DCLK1: variants seen among roughly 807,000 people sequenced by gnomAD.
The protein encoded by DCLK1 is serine/threonine-protein kinase DCLK1.
DCLK1 carries 16 observed loss-of-function variants against 86.2 expected under a neutral mutation model. The observed-to-expected ratio is 0.19, with a 90% confidence interval of 0.13 to 0.28. DCLK1 has a LOEUF of 0.28. Among genes scored for constraint, DCLK1 ranks in the 10% least tolerant of loss-of-function variants. The pLI is 1.00. For missense variants in DCLK1, 590 were observed against 940.2 expected (o/e 0.63, Z 4.87); for synonymous variants, 369 against 370.5 (o/e 1.00, Z 0.05).
At chr13:35,956,674 G>T (rs1432963055) in intron 3 of DCLK1, among the ~76,000 whole-genome samples, 1 of 152,276 alleles carries the variant, frequency 6.6e-6, no homozygotes, top group Non-Finnish European at 1.5e-5. Flanking sequence ...GGACCAACCA[G>T]GGATAGGTAG....
chr13:35,914,327 AAAAAAATATATATATATATATACAT>A (rs1221054962), intron 4 of DCLK1, among the ~76,000 whole-genome samples: 7 of 43,894 alleles, frequency 1.6e-4, no homozygotes, highest in East Asian at 8.4e-4. Flanking sequence ...CTCAGAAAAA[AAAAAAATATATATATATATATACAT>A]ATATATATAT....
intron 3 of DCLK1, among the ~76,000 whole-genome samples, chr13:36,025,432 C>T (rs910136754): frequency 6.6e-5 from 10 of 152,152 alleles, no homozygotes; most frequent in African/African-American, 2.2e-4. Context: ...TACATGAATG[C>T]TCATGGTTAG....
intron 15 of DCLK1, 75 bp downstream of exon 15, chr13:35,805,624 A>G: frequency 6.9e-7 from 1 of 1,440,886 alleles, no homozygotes; most frequent in Middle Eastern, 1.8e-4. Flanking sequence ...AGGAGGCAAT[A>G]ACATTAGAAA....
chr13:35,932,409 C>T (rs544113742), intron 4 of DCLK1, among the ~76,000 whole-genome samples: 16 of 152,218 alleles, frequency 1.1e-4, no homozygotes, highest in Admixed American at 7.8e-4. Flanking sequence ...GTATATCTTT[C>T]GTCTATTTCT....
At chr13:35,997,113 G>A (rs1320554758) in intron 3 of DCLK1, among the ~76,000 whole-genome samples, 2 of 152,090 alleles carry the variant, frequency 1.3e-5, no homozygotes. Context: ...CTTTCTCTTG[G>A]GGCTACACCT....
chr13:35,997,181 G>C (rs981047024), intron 3 of DCLK1, among the ~76,000 whole-genome samples: 1 of 152,182 alleles, frequency 6.6e-6, no homozygotes, highest in African/African-American at 2.4e-5. Flanking sequence ...CAAAGCCAAG[G>C]CTAGCCCACT....
In DCLK1 at chr13:35,810,458, A is replaced by T. The variant is rs140858692; in HGVS notation, c.1688+377T>A. Among the ~76,000 whole-genome samples, 110 of 152,334 alleles carry T rather than the reference A, an allele frequency of 7.2e-4. 1 individual carries two copies. The highest frequency in any genetic ancestry group is 2.6e-3 in the African/African-American group (107 of 41,582). On this transcript the variant is annotated intron_variant, in intron 12 of 16. Transcript: ENST00000360631. ...ACTGGAGGATAAGGGCAGCAGAGAG[A>T]AATAACTGCAGGAGACTGTAATCAC...
At chr13:36,029,813 G>C (rs1882198163) in intron 3 of DCLK1, among the ~76,000 whole-genome samples, 1 of 152,162 alleles carries the variant, frequency 6.6e-6, no homozygotes, top group South Asian at 2.1e-4. Context: ...GTGATATTTA[G>C]TGATACCTAC....
intron 3 of DCLK1, among the ~76,000 whole-genome samples, chr13:35,949,300 T>A (rs1877542650): frequency 6.6e-6 from 1 of 152,202 alleles, no homozygotes; most frequent in African/African-American, 2.4e-5. Context: ...ATCCAGTATT[T>A]CCCAAACTTA....
rs1251809605 is a variant in DCLK1, at chr13:36,013,477, A to G, written c.724-66020T>C. Among the ~76,000 whole-genome samples, 80 of 151,970 alleles carry G rather than the reference A, an allele frequency of 5.3e-4. No individual in the cohort carries two copies. In the South Asian group the frequency reaches 6.5e-3, roughly 12 times the overall value. On this transcript the variant is annotated intron_variant, in intron 3 of 16. Transcript: ENST00000360631. Reference sequence around the variant, plus strand: ...GACCCTCAGCTGCAGGTCTTTTGGAATACTCTGCTGTGTGAGGTGTCAGTG... The same window carrying G: ...GACCCTCAGCTGCAGGTCTTTTGGAGTACTCTGCTGTGTGAGGTGTCAGTG...
rs111726551 is a variant in DCLK1 at position 35,955,529 on chromosome 13, G to A, written c.724-8072C>T. Among the ~76,000 whole-genome samples the A allele has an allele frequency of 4.9e-3, 746 of 152,170 alleles. 6 individuals are homozygous for A. The highest frequency in any genetic ancestry group is 0.017 in the African/African-American group (704 of 41,514). ...CAAAGGCCCGCCTCCTAATACTATC[G>A]CCTTGGAGGTTAGGATGTCAACATA... On this transcript the variant is annotated intron_variant, in intron 3 of 16. Coordinates refer to ENST00000360631, the MANE Select transcript of DCLK1 (RefSeq NM_001330071.2).
At chr13:36,101,198 C>A (rs958862935) in intron 3 of DCLK1, among the ~76,000 whole-genome samples, 1 of 152,190 alleles carries the variant, frequency 6.6e-6, no homozygotes, top group African/African-American at 2.4e-5. Context: ...CATGCACATG[C>A]ACTTTGTGGC....
chr13:35,914,332 A>AATATATATATATATACATAT (rs1875246273), intron 4 of DCLK1, among the ~76,000 whole-genome samples: 2 of 74,062 alleles, frequency 2.7e-5, no homozygotes, highest in Non-Finnish European at 5.0e-5. Context: ...AAAAAAAAAA[A>AATATATATATATATACATAT]ATATATATAT....
Position 35,810,126 on chromosome 13 carries a change from G to A in DCLK1, c.1688+709C>T, listed in dbSNP as rs188398614. ...GAGTCTTTGACTCAGGCTGACCTGAGTTCAAATCCTGACTCAACCACTAAA... is the reference window on the plus strand; with the variant it reads ...GAGTCTTTGACTCAGGCTGACCTGAATTCAAATCCTGACTCAACCACTAAA... On this transcript the variant is annotated intron_variant, in intron 12 of 16. Coordinates refer to ENST00000360631, the MANE Select transcript of DCLK1 (RefSeq NM_001330071.2). 1.9e-3 allele frequency among the ~76,000 whole-genome samples: 291 copies of A among 152,268 alleles called. 1 individual carries two copies. The highest frequency in any genetic ancestry group is 6.8e-3 in the African/African-American group (281 of 41,550).
rs150326507 is a variant in DCLK1, at chr13:35,772,124, A to G, written c.*2411T>C. The G allele has an allele frequency of 1.3e-5, 2 of 152,178 alleles. No individual in the cohort carries two copies. Among genetic ancestry groups the G allele is most frequent in the East Asian group, 1.9e-4 (1 of 5,182 alleles). 9.4% of individuals were successfully genotyped at this position (152,178 alleles called of 1,614,324 possible). On this transcript the variant is annotated 3_prime_UTR_variant, in exon 17 of 17. Coordinates refer to ENST00000360631, the MANE Select transcript of DCLK1 (RefSeq NM_001330071.2). ...ACTGGTCACATTCCACTGTTTATTC[A>G]GCATAGATCACTCAAATTCTACAGT...
chr13:35,953,872 T>C (rs1483121347), intron 3 of DCLK1, among the ~76,000 whole-genome samples: 2 of 152,200 alleles, frequency 1.3e-5, no homozygotes, highest in African/African-American at 4.8e-5. Flanking sequence ...GGGATATCTC[T>C]GCAGCCCTGG....
chr13:36,061,278 G>C (rs1196062524), intron 3 of DCLK1, among the ~76,000 whole-genome samples: 1 of 152,122 alleles, frequency 6.6e-6, no homozygotes, highest in Non-Finnish European at 1.5e-5. Flanking sequence ...CCAATTTCGA[G>C]TTACAGCCTT....
At chr13:35,825,241 T>C (rs1030980967) in intron 10 of DCLK1, among the ~76,000 whole-genome samples, 4 of 152,162 alleles carry the variant, frequency 2.6e-5, no homozygotes, top group Non-Finnish European at 4.4e-5. Flanking sequence ...GGAAAAGTCC[T>C]GGGAGTCTTT....
chr13:35,860,747 A>G (rs1871335151), intron 5 of DCLK1, among the ~76,000 whole-genome samples: 1 of 152,236 alleles, frequency 6.6e-6, no homozygotes, highest in East Asian at 1.9e-4. Flanking sequence ...AGACTTTACA[A>G]CTGAGCAAGG....
Sources: gnomAD v4.1 joint callset for allele counts (sites outside exome capture counted in the v4.1 genomes callset) on GRCh38, gnomAD v4.1.1 for gene constraint, MANE v1.5 for transcripts, NCBI Gene and HGNC (gene_info 2026-07-23, HGNC 2026-07-21) for gene names.